Variants in DNAH1 observed in about 807,000 individuals in gnomAD.
DNAH1 encodes dynein axonemal heavy chain 1.
DNAH1 carries 327 observed loss-of-function variants against 484.3 expected under a neutral mutation model. The ratio of observed to expected loss-of-function variants is 0.68; its 90% confidence interval spans 0.62 to 0.74. DNAH1 has a LOEUF of 0.74. Ranked by LOEUF, DNAH1 falls within the 30% of genes least tolerant of loss-of-function variation. The pLI is 0.00. For synonymous variants in DNAH1, 2,192 were observed against 2,191.9 expected (o/e 1.00, Z 0.00); for missense variants, 5,052 against 5,546.8 (o/e 0.91, Z 2.83).
At position 52,326,332 on chromosome 3, in the gene DNAH1, G is replaced by T; in HGVS notation, c.581+18G>T. ...ATCGAGAGGTACGGCTGGGTGGGCT[G>T]TGGGGAGACTGTCGGGGAGGTGGCA... On this transcript the variant is annotated intron_variant, in intron 4 of 77. Transcript: ENST00000420323. 1 of 1,597,036 alleles carries T rather than the reference G, an allele frequency of 6.3e-7. No individual in the cohort carries two copies. The highest frequency in any genetic ancestry group is 1.1e-5 in the South Asian group (1 of 90,642).
At chr3:52,338,871 C>CA (rs56904725) in intron 8 of DNAH1, among the ~76,000 whole-genome samples, 1,951 of 78,010 alleles carry the variant, frequency 0.025, 14 homozygotes, top group Non-Finnish European at 0.031. Context: ...ACTAAAAATA[C>CA]AAAAAAAAAA....
At chr3:52,377,753 G>A (rs1175780873) in intron 46 of DNAH1, among the ~76,000 whole-genome samples, 3 of 96,228 alleles carry the variant, frequency 3.1e-5, no homozygotes, top group African/African-American at 1.5e-4. Context: ...TTCTCTGCTT[G>A]ACCCCCCTTC....
chr3:52,320,800 CTTTTTTTTTT>C (rs556409465), intron 1 of DNAH1, among the ~76,000 whole-genome samples: 1 of 125,066 alleles, frequency 8.0e-6, no homozygotes, highest in African/African-American at 3.3e-5. Flanking sequence ...TCTTTCTTTC[CTTTTTTTTTT>C]TTTTTTTTTT....
At chr3:52,373,145 A>G in intron 44 of DNAH1, 92 bp downstream of exon 44, 1 of 1,396,740 alleles carries the variant, frequency 7.2e-7, no homozygotes, top group Non-Finnish European at 9.3e-7. Context: ...CAATACTTTA[A>G]GGCACCCACA....
chr3:52,399,291 G>C (rs965855258), intron 76 of DNAH1, 90 bp downstream of exon 76: 1 of 1,354,418 alleles, frequency 7.4e-7, no homozygotes, highest in Non-Finnish European at 1.0e-6. Flanking sequence ...TTGGCAGTTG[G>C]GGGACCCCTA....
chr3:52,314,482 A>C (rs994491628), upstream of DNAH1, among the ~76,000 whole-genome samples: 3 of 152,216 alleles, frequency 2.0e-5, no homozygotes, highest in Non-Finnish European at 2.9e-5. Flanking sequence ...GCTGGTGTCA[A>C]CAGCCACTAT....
At chr3:52,329,115 G>A (rs536622248) in intron 6 of DNAH1, among the ~76,000 whole-genome samples, 11 of 152,284 alleles carry the variant, frequency 7.2e-5, no homozygotes, top group Non-Finnish European at 1.3e-4. Context: ...TTCCCAGATC[G>A]CCAATTCCTG....
In DNAH1 at chr3:52,355,069, C is replaced by G. The variant is rs757803860; in HGVS notation, c.3693+14C>G. Reference sequence around the variant, plus strand: ...AAGCTGACCCAGGTCGGCCCTCCCCCCAGTCCTTCCCTCATCGCTCCCCCA... The same window carrying G: ...AAGCTGACCCAGGTCGGCCCTCCCCGCAGTCCTTCCCTCATCGCTCCCCCA... On this transcript the variant is annotated intron_variant, in intron 21 of 77. Coordinates refer to ENST00000420323, the MANE Select transcript of DNAH1 (RefSeq NM_015512.5). The surrounding 1 kb of genome is among the most constrained non-coding windows in gnomAD (Gnocchi z 4.5). 80 of 1,611,386 alleles carry G rather than the reference C, an allele frequency of 5.0e-5. 1 individual carries two copies. In the South Asian group the frequency reaches 6.5e-4, roughly 13 times the overall value.
In DNAH1 at chr3:52,394,592, C is replaced by T. The variant is rs1190640108; in HGVS notation, c.10754C>T (p.Ser3585Phe). Residue 3585 changes from serine (S) to phenylalanine (F), a missense_variant, in exon 67 of 78, where the codon TCC becomes TTC. Physicochemically the swap from Ser to Phe is radical, Grantham distance 155 (BLOSUM62 -2). Transcript: ENST00000420323. ...LALSNLPTFS[S>F]FSSDFVKHLS... ...CTCTCGAACCTGCCAACCTTTTCCT[C>T]CTTCTCTTCCGACTTCGTGAAGCAC... 4.3e-6 allele frequency: 7 copies of T among 1,609,806 alleles called. No homozygotes were observed. Among genetic ancestry groups the T allele is most frequent in the African/African-American group, 2.7e-5 (2 of 74,970 alleles).
chr3:52,384,967 G>T lies in DNAH1; in HGVS notation c.8504G>T (p.Gly2835Val), dbSNP rs1353639990. Reference protein sequence around the residue: ...LKTAKNRMKSGLDKLLRTSED... With the variant: ...LKTAKNRMKSVLDKLLRTSED... Reference sequence around the variant, plus strand: ...ACTGCCAAGAACCGCATGAAGAGCGGCCTCGACAAGGTGGGCCCAGGCGAG... The same window carrying T: ...ACTGCCAAGAACCGCATGAAGAGCGTCCTCGACAAGGTGGGCCCAGGCGAG... Residue 2835 changes from glycine (G) to valine (V), a missense_variant, in exon 53 of 78, where the codon GGC becomes GTC. Gly to Val is a moderately radical substitution (Grantham distance 109). Transcript: ENST00000420323. 1.2e-6 allele frequency: 2 copies of T among 1,612,588 alleles called. No individual in the cohort carries two copies. Among genetic ancestry groups the T allele is most frequent in the Admixed American group, 1.7e-5 (1 of 59,862 alleles).
In DNAH1 at chr3:52,361,137, C is replaced by T. The variant is rs1409480854; in HGVS notation, c.4686-27C>T. On this transcript the variant is annotated intron_variant, in intron 28 of 77. Coordinates refer to ENST00000420323, the MANE Select transcript of DNAH1 (RefSeq NM_015512.5). The surrounding 1 kb of genome is among the most constrained non-coding windows in gnomAD (Gnocchi z 5.6). ...GGGAGTGTCCAGGCCATGTGCGGCC[C>T]GAGCCCACCTCCTCTGTCTCCTGCA... The T allele has an allele frequency of 3.3e-6, 5 of 1,516,798 alleles. No individual in the cohort carries two copies. The highest frequency in any genetic ancestry group is 2.7e-5 in the South Asian group (2 of 75,038). The allele number at this position is 1,516,798 out of a possible 1,614,324, so 94.0% of individuals were successfully genotyped here. A position where few individuals can be genotyped will look rare whatever the true frequency, so the allele number is the denominator to read the frequency against.
Position 52,396,801 on chromosome 3 carries a change from G to A in DNAH1, c.11610+4G>A. The A allele has an allele frequency of 6.2e-7, 1 of 1,613,030 alleles. No homozygotes were observed. Among genetic ancestry groups the A allele is most frequent in the Non-Finnish European group, 8.5e-7 (1 of 1,179,488 alleles). On this transcript the variant is annotated splice_donor_region_variant and intron_variant, in intron 72 of 77. Coordinates refer to ENST00000420323, the MANE Select transcript of DNAH1 (RefSeq NM_015512.5). ...ATATGATGACATCCCCTACAAGGTG[G>A]GCCTGGGGCAGACTGGGGCCTGGGG...
chr3:52,360,017 G>A lies in DNAH1; in HGVS notation c.4509G>A (p.Val1503=), dbSNP rs760233212. The change falls in exon 27 of 78, where the codon GTG becomes GTA. Residue 1503 remains valine (V), a synonymous_variant. Coordinates refer to ENST00000420323, the MANE Select transcript of DNAH1 (RefSeq NM_015512.5). ...TTGAGGTCCATGCCAAGGACGTGGT[G>A]AGCAAGCTAATCCAGGAGAACGTGG... The part of the protein sequence containing the change: ...IVIEVHAKDV[V]SKLIQENVVS... The A allele has an allele frequency of 6.8e-6, 11 of 1,613,820 alleles. No homozygotes were observed. In the East Asian group the frequency reaches 1.8e-4, roughly 26 times the overall value.
rs562104599 is a variant in DNAH1 at position 52,355,616 on chromosome 3, C to T, written c.3693+561C>T. Reference sequence around the variant, plus strand: ...CAGCCTGCAGGTGTGATATCCCCTTCCCCGGGCCTCCCTGATAGCTGCTCA... The same window carrying T: ...CAGCCTGCAGGTGTGATATCCCCTTTCCCGGGCCTCCCTGATAGCTGCTCA... On this transcript the variant is annotated intron_variant, in intron 21 of 77. Transcript: ENST00000420323. The surrounding 1 kb of genome is among the most constrained non-coding windows in gnomAD (Gnocchi z 4.5). Among the ~76,000 whole-genome samples the T allele has an allele frequency of 1.3e-5, 2 of 152,362 alleles. No homozygotes were observed. The highest frequency in any genetic ancestry group is 3.9e-4 in the East Asian group (2 of 5,184).
intron 8 of DNAH1, among the ~76,000 whole-genome samples, chr3:52,339,446 T>G (rs1412181863): frequency 6.6e-6 from 1 of 152,178 alleles, no homozygotes; most frequent in Non-Finnish European, 1.5e-5. Context: ...ATTTGTCCAT[T>G]TATATGTTTT....
In DNAH1 at chr3:52,388,597, C is replaced by A. The variant is rs1289064649; in HGVS notation, c.9351C>A (p.Gly3117=). ...LKCEQCEQRL[G]RAGKLINGLS... ...GTGAGCAGTGTGAGCAGCGGCTGGG[C>A]CGAGCTGGCAAGGTGCGCACCCTCC... The change falls in exon 58 of 78, where the codon GGC becomes GGA. Residue 3117 remains glycine, a synonymous_variant. Coordinates refer to ENST00000420323, the MANE Select transcript of DNAH1 (RefSeq NM_015512.5). The A allele has an allele frequency of 6.2e-7, 1 of 1,611,856 alleles. No homozygotes were observed. The highest frequency in any genetic ancestry group is 1.7e-5 in the Admixed American group (1 of 59,830).
intron 1 of DNAH1, chr3:52,321,669 T>C (rs970391053): frequency 1.3e-5 from 2 of 152,354 alleles, no homozygotes; most frequent in Middle Eastern, 3.4e-3. Context: ...GCATGCACCC[T>C]GGCGGCATCT....
At chr3:52,373,230 G>A (rs530442649) in intron 44 of DNAH1, among the ~76,000 whole-genome samples, 177 bp downstream of exon 44, 70 of 151,950 alleles carry the variant, frequency 4.6e-4, no homozygotes, top group African/African-American at 1.3e-3. Flanking sequence ...AGACGCCGCC[G>A]CCACGGCTGC....
rs140143314 is a variant in DNAH1, at chr3:52,350,439, G to A, written c.2647-69G>A. 5.6e-3 allele frequency: 8,043 copies of A among 1,446,736 alleles called. 63 individuals carry two copies. Among genetic ancestry groups the A allele is most frequent in the South Asian group, 0.023 (1,973 of 84,322 alleles). The allele number at this position is 1,446,736 out of a possible 1,614,324, so 89.6% of individuals were successfully genotyped here. On this transcript the variant is annotated intron_variant, in intron 15 of 77. Coordinates refer to ENST00000420323, the MANE Select transcript of DNAH1 (RefSeq NM_015512.5). ...CCCCTCTCTAGTACCCGTCTCTGGG[G>A]AGCCAGGTTCCGATTACCCACCACC...
Sources: gnomAD v4.1 joint callset for allele counts (sites outside exome capture counted in the v4.1 genomes callset) on GRCh38, gnomAD v4.1.1 for gene constraint, Gnocchi (gnomAD v3.1) non-coding constraint, MANE v1.5 for transcripts, NCBI Gene and HGNC (gene_info 2026-07-23, HGNC 2026-07-21) for gene names.